KIAA1217: variants seen among roughly 807,000 people sequenced by gnomAD.
KIAA1217 encodes the protein KIAA1217.
A neutral mutation model predicts 163.9 loss-of-function variants in KIAA1217; 88 were observed. That is an observed-to-expected ratio of 0.54 (90% CI 0.45 to 0.64). KIAA1217 has a LOEUF of 0.64. KIAA1217 is among the 30% of genes least tolerant of loss of function. The probability of loss-of-function intolerance (pLI) is 0.00; values close to 1 mark genes in which losing one functional copy is unlikely to be tolerated. For synonymous variants in KIAA1217, 903 were observed against 923.1 expected (o/e 0.98, Z 0.39); for missense variants, 2,372 against 2,475.0 (o/e 0.96, Z 0.88).
chr10:24,323,720 A>C (rs16924577), intron 2 of KIAA1217, among the ~76,000 whole-genome samples: 2,116 of 151,922 alleles, frequency 0.014, 47 homozygotes, highest in East Asian at 0.1. Flanking sequence ...CTGGAAGAAA[A>C]ATTTGTGTAG....
chr10:24,049,351 G>A (rs1232154733), intron 2 of KIAA1217, among the ~76,000 whole-genome samples: 2 of 152,158 alleles, frequency 1.3e-5, no homozygotes, highest in Admixed American at 6.5e-5. Context: ...GAGTTTTACA[G>A]TGGCATAGAA....
At chr10:24,248,179 T>C (rs6482377) in intron 2 of KIAA1217, among the ~76,000 whole-genome samples, 58,748 of 151,982 alleles carry the variant, frequency 0.39, 11,764 homozygotes, top group East Asian at 0.57. Flanking sequence ...TCATTTCCAG[T>C]GGCATCTTCC....
intron 1 of KIAA1217, among the ~76,000 whole-genome samples, chr10:23,957,525 C>A (rs1298663270): frequency 6.6e-6 from 1 of 152,148 alleles, no homozygotes; most frequent in Non-Finnish European, 1.5e-5. Flanking sequence ...AGTTCAAGAC[C>A]AGCCTGACCA....
chr10:24,289,521 TGGAGGA>T (rs145225149), intron 2 of KIAA1217, among the ~76,000 whole-genome samples: 7 of 151,768 alleles, frequency 4.6e-5, no homozygotes, highest in Non-Finnish European at 8.8e-5. Context: ...ATTGTCCTCA[TGGAGGA>T]GGAGGAGGAG....
chr10:23,987,087 G>A (rs777870736), intron 1 of KIAA1217, among the ~76,000 whole-genome samples: 5 of 151,924 alleles, frequency 3.3e-5, no homozygotes, highest in Admixed American at 6.6e-5. Flanking sequence ...TTCCAAAAAC[G>A]TAAAAAAGGG....
At chr10:24,337,211 A>T (rs2046455359) in intron 2 of KIAA1217, among the ~76,000 whole-genome samples, 1 of 152,244 alleles carries the variant, frequency 6.6e-6, no homozygotes, top group African/African-American at 2.4e-5. Context: ...CTTTAATTCA[A>T]CTGTAACAAG....
intron 1 of KIAA1217, among the ~76,000 whole-genome samples, chr10:23,729,159 A>G (rs1838334026): frequency 6.6e-6 from 1 of 152,070 alleles, no homozygotes; most frequent in Non-Finnish European, 1.5e-5. Flanking sequence ...ATAATATTGC[A>G]TTGTCTGGAT....
rs187735994 is a variant in KIAA1217, at chr10:23,819,997, A to G, written c.-321+124763A>G. On this transcript the variant is annotated intron_variant, in intron 1 of 18. Transcript: ENST00000376462. ...CCTATTTCTTTTTAAAACCACTAAAACTGATTCTGGGCCCTAGTCATACAT... is the reference window on the plus strand; with the variant it reads ...CCTATTTCTTTTTAAAACCACTAAAGCTGATTCTGGGCCCTAGTCATACAT... 1.6e-3 allele frequency among the ~76,000 whole-genome samples: 244 copies of G among 152,268 alleles called. 1 individual carries two copies. Among genetic ancestry groups the G allele is most frequent in the African/African-American group, 5.7e-3 (237 of 41,564 alleles).
chr10:24,542,627 G>T (rs1295524903), intron 17 of KIAA1217, 66 bp from the exon 18 acceptor site: 22 of 1,588,192 alleles, frequency 1.4e-5, no homozygotes, highest in Non-Finnish European at 1.8e-5. Context: ...GAACGATTTA[G>T]TTATAGTCCA....
intron 2 of KIAA1217, among the ~76,000 whole-genome samples, chr10:24,011,981 ACAGTGACATTTCATTTGAC>A (rs1324488960): frequency 6.7e-6 from 1 of 149,494 alleles, no homozygotes; most frequent in Non-Finnish European, 1.5e-5. Context: ...GATGGAAATG[ACAGTGACATTTCATTTGAC>A]CAAGGAAAAA....
intron 2 of KIAA1217, among the ~76,000 whole-genome samples, chr10:24,188,871 C>G (rs1011474856): frequency 5.3e-5 from 8 of 151,938 alleles, no homozygotes; most frequent in Admixed American, 2.0e-4. Flanking sequence ...TTTGGGAGGC[C>G]GAGGCGGGCA....
intron 2 of KIAA1217, among the ~76,000 whole-genome samples, chr10:24,343,645 G>C (rs909861782): frequency 1.2e-4 from 18 of 152,214 alleles, no homozygotes; most frequent in African/African-American, 4.3e-4. Flanking sequence ...TGTATTTTTA[G>C]AAAGAACTTC....
At chr10:23,983,188 A>G (rs1004141863) in intron 1 of KIAA1217, among the ~76,000 whole-genome samples, 1 of 152,064 alleles carries the variant, frequency 6.6e-6, no homozygotes, top group Non-Finnish European at 1.5e-5. Context: ...GCGAAGCCCA[A>G]ATTCAGTGGG....
chr10:23,760,857 G>A (rs901813444), intron 1 of KIAA1217, among the ~76,000 whole-genome samples: 2 of 152,152 alleles, frequency 1.3e-5, no homozygotes, highest in African/African-American at 4.8e-5. Flanking sequence ...GTGAAAAAAA[G>A]AAAAGTTCAG....
rs150637380 is a variant in KIAA1217 at position 24,543,655 on chromosome 10, C to T, written c.4385C>T (p.Thr1462Ile). 2.0e-5 allele frequency: 33 copies of T among 1,613,862 alleles called. No individual in the cohort carries two copies. The highest frequency in any genetic ancestry group is 1.6e-4 in the African/African-American group (12 of 74,868). Residue 1462 changes from threonine to isoleucine, a missense_variant, in exon 19 of 21, where the codon ACT becomes ATT. Coordinates refer to ENST00000376454, the MANE Select transcript of KIAA1217 (RefSeq NM_019590.5). The stretch of plus-strand genomic sequence containing the variant: ...CGGTCTGCCTATAAGAGACTTTCAA[C>T]TATCTTTGAGGAATGTGATGAGGAA... ...DIRSAYKRLSTIFEECDEELE... is the reference protein window; with the variant it reads ...DIRSAYKRLSIIFEECDEELE...
chr10:24,492,905 G>A (rs906576336), intron 6 of KIAA1217, among the ~76,000 whole-genome samples: 2 of 151,838 alleles, frequency 1.3e-5, no homozygotes, highest in African/African-American at 4.8e-5. Flanking sequence ...GAGTGCAGTG[G>A]CGCGATCTCA....
intron 2 of KIAA1217, among the ~76,000 whole-genome samples, chr10:24,240,803 A>G (rs1351948959): frequency 2.0e-5 from 3 of 151,994 alleles, no homozygotes; most frequent in African/African-American, 7.3e-5. Flanking sequence ...TATATTCTTT[A>G]CTTCCTCTTA....
intron 2 of KIAA1217, among the ~76,000 whole-genome samples, chr10:24,246,963 A>C (rs2073872794): frequency 6.6e-6 from 1 of 151,612 alleles, no homozygotes; most frequent in Non-Finnish European, 1.5e-5. Context: ...CAGTGAACGG[A>C]GATCACACCA....
chr10:24,108,309 C>G (rs1360012322), intron 2 of KIAA1217, among the ~76,000 whole-genome samples: 2 of 152,088 alleles, frequency 1.3e-5, no homozygotes, highest in Non-Finnish European at 2.9e-5. Context: ...GATAAGAATG[C>G]CTGGTGACCA....
Sources: gnomAD v4.1 joint callset for allele counts (sites outside exome capture counted in the v4.1 genomes callset) on GRCh38, gnomAD v4.1.1 for gene constraint, MANE v1.5 for transcripts, NCBI Gene and HGNC (gene_info 2026-07-23, HGNC 2026-07-21) for gene names.